DLGAP3: variants seen among roughly 807,000 people sequenced by gnomAD.
DLGAP3 encodes the protein DLG associated protein 3.
In DLGAP3, 17 loss-of-function variants were observed where a neutral mutation model predicts 81.2. The observed-to-expected ratio is 0.21, with a 90% CI of 0.14 to 0.31. The LOEUF is 0.31. Among genes scored for constraint, DLGAP3 ranks in the 10% least tolerant of loss-of-function variants. The pLI is 1.00. For missense variants in DLGAP3, 1,124 were observed against 1,388.0 expected (o/e 0.81, Z 3.02); for synonymous variants, 577 against 587.4 (o/e 0.98, Z 0.26).
chr1:34,922,606 A>C (rs945878690), intron 1 of DLGAP3, among the ~76,000 whole-genome samples: 4 of 152,156 alleles, frequency 2.6e-5, no homozygotes, highest in Non-Finnish European at 5.9e-5. Flanking sequence ...GAATGCATAC[A>C]TAGAGTCATA....
chr1:34,866,783 C>T (rs1342634875), intron 11 of DLGAP3, among the ~76,000 whole-genome samples: 1 of 125,588 alleles, frequency 8.0e-6, no homozygotes, highest in Non-Finnish European at 1.7e-5. Flanking sequence ...CAGCCGCCGC[C>T]ACCCCCCCAA....
rs1464484600 is a variant in DLGAP3 at position 34,925,156 on chromosome 1, G to C, written c.-135+4295C>G. ...CCTCTCCCCTGCCCCTCCCACTGTCGCTCCCATCCACCGGGGGCACCTGAC... is the reference window on the plus strand; with the variant it reads ...CCTCTCCCCTGCCCCTCCCACTGTCCCTCCCATCCACCGGGGGCACCTGAC... On this transcript the variant is annotated intron_variant, in intron 1 of 11. Transcript: ENST00000373347. 2.1e-5 allele frequency among the ~76,000 whole-genome samples: 3 copies of C among 144,480 alleles called. No individual in the cohort carries two copies. In the East Asian group the frequency reaches 6.0e-4, roughly 29 times the overall value. The allele number at this position is 144,480 out of a possible 152,430, so 94.8% of individuals were successfully genotyped here. A position where few individuals can be genotyped will look rare whatever the true frequency, so the allele number is the denominator to read the frequency against.
chr1:34,899,953 CCCCAGT>C lies in DLGAP3; in HGVS notation c.1313+109_1313+114del, dbSNP rs1419163782. ...CCTTTACATGGAGTGGAGTGAGACA[CCCCAGT>C]TGAAACCTAAGCAGGACTACCTGAC... On this transcript the variant is annotated intron_variant, in intron 4 of 11. Transcript: ENST00000373347. 4.1e-6 allele frequency: 4 copies of C among 985,912 alleles called. No individual in the cohort carries two copies. The African/African-American group carries it at 6.4e-5, about 16-fold the overall frequency. The allele number at this position is 985,912 out of a possible 1,614,324, so 61.1% of individuals were successfully genotyped here. A position where few individuals can be genotyped will look rare whatever the true frequency, so the allele number is the denominator to read the frequency against.
Position 34,865,868 on chromosome 1 carries a change from G to T in DLGAP3, c.*215C>A. The T allele has an allele frequency of 1.5e-6, 1 of 661,080 alleles. No individual in the cohort carries two copies. Among genetic ancestry groups the T allele is most frequent in the Admixed American group, 2.3e-5 (1 of 44,232 alleles). 41.0% of individuals were successfully genotyped at this position (661,080 alleles called of 1,614,324 possible). On this transcript the variant is annotated 3_prime_UTR_variant, in exon 12 of 12. Transcript: ENST00000373347. ...AGGGGATCCAGGTGAGGGGCGCAGG[G>T]CGGAGAGGCACGGCCCCCTGCCCAG...
At chr1:34,899,315 A>G (rs113242403) in intron 5 of DLGAP3, among the ~76,000 whole-genome samples, 1,995 of 152,052 alleles carry the variant, frequency 0.013, 54 homozygotes, top group African/African-American at 0.046. Context: ...TGATCCGACC[A>G]CCTCGGCCTC....
At chr1:34,875,968 C>T (rs1430915506) in intron 8 of DLGAP3, among the ~76,000 whole-genome samples, 1 of 152,284 alleles carries the variant, frequency 6.6e-6, no homozygotes, top group South Asian at 2.1e-4. Context: ...GCTCACATGC[C>T]GCTCCTTTGT....
chr1:34,876,028 C>T (rs1639051527), intron 8 of DLGAP3, among the ~76,000 whole-genome samples: 1 of 152,236 alleles, frequency 6.6e-6, no homozygotes, highest in Non-Finnish European at 1.5e-5. Context: ...AGATTAACTT[C>T]GTGGTAAGCT....
intron 5 of DLGAP3, among the ~76,000 whole-genome samples, chr1:34,894,225 C>T (rs1243034851): frequency 2.4e-5 from 2 of 82,724 alleles, no homozygotes; most frequent in Non-Finnish European, 2.5e-5. Context: ...CATGAATGGA[C>T]AAAAACACTC....
Position 34,885,778 on chromosome 1 carries a change from T to C in DLGAP3, c.1614A>G (p.Arg538=). 1.4e-6 allele frequency: 2 copies of C among 1,405,630 alleles called. No homozygotes were observed. The highest frequency in any genetic ancestry group is 1.8e-6 in the Non-Finnish European group (2 of 1,087,742). 87.1% of individuals were successfully genotyped at this position (1,405,630 alleles called of 1,614,324 possible). A position where few individuals can be genotyped will look rare whatever the true frequency, so the allele number is the denominator to read the frequency against. The change falls in exon 7 of 12, where the codon AGA becomes AGG. Residue 538 remains arginine (R), a synonymous_variant. Coordinates refer to ENST00000373347, the MANE Select transcript of DLGAP3 (RefSeq NM_001080418.3). The part of the protein sequence containing the change: ...SGRPGSSFNF[R]KAPPPIPPGS... ...CCGGCGGGATGGGGGGCGGGGCCTT[T>C]CTGAAGTTGAAGGCTGTGGCCGGCG...
chr1:34,884,519 G>A lies in DLGAP3; in HGVS notation c.2000+459C>T, dbSNP rs545450170. ...GGTACCCCCAACTGGTTAAATGCTT[G>A]TGTGAGCCAAGTGAGGAGGAGTGTT... On this transcript the variant is annotated intron_variant, in intron 8 of 11. Coordinates refer to ENST00000373347, the MANE Select transcript of DLGAP3 (RefSeq NM_001080418.3). Among the ~76,000 whole-genome samples, 85 of 150,832 alleles carry A rather than the reference G, an allele frequency of 5.6e-4. 1 individual carries two copies. The South Asian group carries it at 0.017, about 29-fold the overall frequency.
At chr1:34,914,149 C>G (rs1221585770) in intron 1 of DLGAP3, among the ~76,000 whole-genome samples, 2 of 152,152 alleles carry the variant, frequency 1.3e-5, no homozygotes, top group African/African-American at 2.4e-5. Flanking sequence ...GCTCCCTTCC[C>G]AGCTAGGGCC....
At chr1:34,871,927 A>G (rs1348167869) in intron 8 of DLGAP3, among the ~76,000 whole-genome samples, 1 of 152,162 alleles carries the variant, frequency 6.6e-6, no homozygotes, top group Non-Finnish European at 1.5e-5. Flanking sequence ...TGATGGGATG[A>G]CCAGAAGCAC....
At position 34,904,517 on chromosome 1, in the gene DLGAP3, C is replaced by G; in HGVS notation, c.867G>C (p.Leu289=). The G allele has an allele frequency of 6.2e-7, 1 of 1,614,216 alleles. No homozygotes were observed. Among genetic ancestry groups the G allele is most frequent in the Non-Finnish European group, 8.5e-7 (1 of 1,180,020 alleles). ...PPGEPGGPFC[L]EGPDGSYRDL... The stretch of plus-strand genomic sequence containing the variant: ...CCCGGTAGGACCCATCTGGACCCTC[C>G]AGGCAGAAGGGACCACCAGGCTCCC... Residue 289 remains leucine (L), a synonymous_variant, in exon 3 of 12, where the codon CTG becomes CTC. Transcript: ENST00000373347. The surrounding 1 kb of genome is among the most constrained non-coding windows in gnomAD (Gnocchi z 8.1).
chr1:34,871,056 C>T (rs1638971406), intron 8 of DLGAP3, among the ~76,000 whole-genome samples: 1 of 152,124 alleles, frequency 6.6e-6, no homozygotes, highest in Non-Finnish European at 1.5e-5. Flanking sequence ...TTATATTTTG[C>T]ATATTTTAAG....
At chr1:34,886,392 T>A in intron 5 of DLGAP3, 107 bp from the exon 6 acceptor site, 1 of 1,067,954 alleles carries the variant, frequency 9.4e-7, no homozygotes, top group Non-Finnish European at 1.3e-6. Context: ...GCAGAGGCTG[T>A]AGGCGACTCT....
chr1:34,872,717 G>A (rs984942227), intron 8 of DLGAP3, among the ~76,000 whole-genome samples: 1 of 152,164 alleles, frequency 6.6e-6, no homozygotes, highest in Non-Finnish European at 1.5e-5. Context: ...ACAGAATCAA[G>A]GTTGGAATAA....
In DLGAP3 at chr1:34,865,991, G is replaced by A. The variant is rs1206638652; in HGVS notation, c.*92C>T. On this transcript the variant is annotated 3_prime_UTR_variant, in exon 12 of 12. Coordinates refer to ENST00000373347, the MANE Select transcript of DLGAP3 (RefSeq NM_001080418.3). Reference sequence around the variant, plus strand: ...TCCGGTGCCGGTGGGGCGGGCGCACGGGGCGGCCCGCGTTCACAGTGACCT... The same window carrying A: ...TCCGGTGCCGGTGGGGCGGGCGCACAGGGCGGCCCGCGTTCACAGTGACCT... 9.6e-6 allele frequency: 11 copies of A among 1,147,776 alleles called. No individual in the cohort carries two copies. The highest frequency in any genetic ancestry group is 4.5e-4 in the Middle Eastern group (2 of 4,460). The allele number at this position is 1,147,776 out of a possible 1,614,324, so 71.1% of individuals were successfully genotyped here.
At position 34,895,873 on chromosome 1, in the gene DLGAP3, C is replaced by T. The variant is rs564552178; in HGVS notation, c.1386+3796G>A. ...AATGATGCTGGGAAAATTGGATATCCGCATTCAAAAACATAAAGCTGGACC... is the reference window on the plus strand; with the variant it reads ...AATGATGCTGGGAAAATTGGATATCTGCATTCAAAAACATAAAGCTGGACC... On this transcript the variant is annotated intron_variant, in intron 5 of 11. Transcript: ENST00000373347. The surrounding 1 kb of genome is among the most constrained non-coding windows in gnomAD (Gnocchi z 4.5). Among the ~76,000 whole-genome samples, 100 of 151,636 alleles carry T rather than the reference C, an allele frequency of 6.6e-4. No homozygotes were observed. The highest frequency in any genetic ancestry group is 2.2e-3 in the African/African-American group (93 of 41,352).
chr1:34,870,696 T>A (rs1193839500), intron 8 of DLGAP3, among the ~76,000 whole-genome samples: 1 of 152,120 alleles, frequency 6.6e-6, no homozygotes, highest in African/African-American at 2.4e-5. Flanking sequence ...CCTCATTGCC[T>A]CCCACACAGT....
Sources: allele counts gnomAD v4.1 joint callset (sites outside exome capture counted in the v4.1 genomes callset), GRCh38; gene constraint gnomAD v4.1.1; non-coding constraint Gnocchi (gnomAD v3.1); transcripts MANE v1.5; gene names NCBI Gene and HGNC (gene_info 2026-07-23, HGNC 2026-07-21).